Variants in ASXL2 observed in about 807,000 individuals in gnomAD.
ASXL2 encodes putative Polycomb group protein ASXL2.
Under a neutral mutation model 122.0 loss-of-function variants are expected in ASXL2, and 23 were observed. The observed-to-expected ratio is 0.19, with a 90% CI of 0.14 to 0.27. The LOEUF (loss-of-function observed/expected upper bound fraction) is 0.27, where lower values mean the gene tolerates loss of function less well. ASXL2 is among the 10% of genes least tolerant of loss of function. The probability of loss-of-function intolerance (pLI) is 1.00; values close to 1 mark genes in which losing one functional copy is unlikely to be tolerated. For missense variants in ASXL2, 1,518 were observed against 1,713.8 expected (o/e 0.89, Z 2.02); for synonymous variants, 650 against 637.0 (o/e 1.02, Z -0.31).
intron 5 of ASXL2, among the ~76,000 whole-genome samples, chr2:25,797,749 A>G (rs1400982049): frequency 6.6e-6 from 1 of 152,252 alleles, no homozygotes; most frequent in Non-Finnish European, 1.5e-5. Context: ...TGACGAGGAC[A>G]TGAAGCAACA....
chr2:25,839,961 C>T (rs1439630741), intron 2 of ASXL2, among the ~76,000 whole-genome samples: 1 of 150,908 alleles, frequency 6.6e-6, no homozygotes, highest in African/African-American at 2.4e-5. Flanking sequence ...AAACCCCAGG[C>T]CTCAAGTAAT....
chr2:25,798,529 C>A (rs373529531), intron 5 of ASXL2, among the ~76,000 whole-genome samples: 308 of 152,110 alleles, frequency 2.0e-3, no homozygotes, highest in African/African-American at 7.0e-3. Context: ...TTTGGGAGGC[C>A]GAGGCAGGTA....
At chr2:25,851,519 GT>G (rs1335168416) in intron 1 of ASXL2, among the ~76,000 whole-genome samples, 2 of 152,028 alleles carry the variant, frequency 1.3e-5, no homozygotes, top group Admixed American at 6.6e-5. Flanking sequence ...TTCCATTAAA[GT>G]TTTTATTAAT....
intron 2 of ASXL2, among the ~76,000 whole-genome samples, chr2:25,841,395 T>G (rs2089576494): frequency 6.6e-6 from 1 of 152,194 alleles, no homozygotes. Context: ...ATATATTCAT[T>G]AACAAGTAGG....
intron 5 of ASXL2, among the ~76,000 whole-genome samples, chr2:25,784,748 C>T (rs368191719): frequency 6.6e-6 from 1 of 152,340 alleles, no homozygotes; most frequent in East Asian, 1.9e-4. Flanking sequence ...TATGACCCAT[C>T]TTATAAAGAC....
chr2:25,778,207 G>GT (rs1382014254), intron 5 of ASXL2, among the ~76,000 whole-genome samples: 2 of 152,206 alleles, frequency 1.3e-5, no homozygotes, highest in African/African-American at 4.8e-5. Context: ...GTGTAACTCA[G>GT]TTAAGGATCT....
chr2:25,773,501 TA>T (rs1218772095), intron 5 of ASXL2, among the ~76,000 whole-genome samples: 1 of 151,548 alleles, frequency 6.6e-6, no homozygotes, highest in Non-Finnish European at 1.5e-5. Context: ...CCATCTCTAC[TA>T]AAAATACAAA....
chr2:25,813,886 T>A (rs2089202866), intron 3 of ASXL2, among the ~76,000 whole-genome samples: 1 of 152,008 alleles, frequency 6.6e-6, no homozygotes. Context: ...CTGACTCTAC[T>A]AAAAATACCA....
At chr2:25,824,937 C>T (rs1324255905) in intron 3 of ASXL2, among the ~76,000 whole-genome samples, 1 of 152,200 alleles carries the variant, frequency 6.6e-6, no homozygotes, top group African/African-American at 2.4e-5. Context: ...GGCCCATCAA[C>T]TTTCAAAGTT....
chr2:25,798,952 T>C (rs1333599494), intron 5 of ASXL2, among the ~76,000 whole-genome samples: 1 of 152,162 alleles, frequency 6.6e-6, no homozygotes, highest in East Asian at 1.9e-4. Flanking sequence ...CCATGGACTC[T>C]GGGTGATGAT....
chr2:25,734,167 G>A lies in ASXL2; in HGVS notation c.*7862C>T, dbSNP rs2087695706. ...TTCTCTAGATCTTTCATGGATTCTA[G>A]AAATTTTGTGAATTCTCTGAGAACT... is the stretch of plus-strand genomic sequence containing the variant. On this transcript the variant is annotated 3_prime_UTR_variant, in exon 13 of 13. Transcript: ENST00000435504. 6.6e-6 allele frequency: 1 copy of A among 151,398 alleles called. No homozygotes were observed. The highest frequency in any genetic ancestry group is 1.5e-5 in the Non-Finnish European group (1 of 67,936). The allele number at this position is 151,398 out of a possible 1,614,324, so 9.4% of individuals were successfully genotyped here.
Position 25,744,515 on chromosome 2 carries a change from T to C in ASXL2, c.1861-39A>G, listed in dbSNP as rs2087907521. 6.5e-7 allele frequency: 1 copy of C among 1,547,854 alleles called. No individual in the cohort carries two copies. Among genetic ancestry groups the C allele is most frequent in the African/African-American group, 1.4e-5 (1 of 72,218 alleles). On this transcript the variant is annotated intron_variant, in intron 12 of 12. Coordinates refer to ENST00000435504, the MANE Select transcript of ASXL2 (RefSeq NM_018263.6). The surrounding 1 kb of genome is among the most constrained non-coding windows in gnomAD (Gnocchi z 4.7). ...AGGGGAAAAAAACAACAGAGCTTAG[T>C]TTTCATTTGTAAGAATAACAAAACT...
intron 3 of ASXL2, among the ~76,000 whole-genome samples, chr2:25,809,267 C>CTTA (rs2089130483): frequency 1.3e-5 from 2 of 150,042 alleles, no homozygotes. Context: ...TTTCAGAGGT[C>CTTA]TTACCATTTT....
intron 3 of ASXL2, among the ~76,000 whole-genome samples, chr2:25,808,337 T>C (rs900816297): frequency 2.6e-5 from 4 of 151,930 alleles, no homozygotes; most frequent in Non-Finnish European, 5.9e-5. Context: ...GGAAGCAAAT[T>C]TGTTTTTGTT....
chr2:25,759,363 C>A, intron 9 of ASXL2, 119 bp downstream of exon 9: 2 of 1,103,602 alleles, frequency 1.8e-6, no homozygotes, highest in Non-Finnish European at 2.5e-6. Context: ...CTTAAAAAAA[C>A]CTGCCTATTA....
chr2:25,846,817 G>T (rs1189008208), intron 1 of ASXL2, among the ~76,000 whole-genome samples: 1 of 152,130 alleles, frequency 6.6e-6, no homozygotes, highest in Non-Finnish European at 1.5e-5. Flanking sequence ...CTCAAAAATA[G>T]AAATAATGTC....
At position 25,745,559 on chromosome 2, in the gene ASXL2, CA is replaced by C. The variant is rs34181748; in HGVS notation, c.1861-1084del. ...GTGACTCCAGAGGGAGCCTCCAGCTCAAAAAAAAAAAAAAAAAAAGTTTCTA... is the reference window on the plus strand; with the variant it reads ...GTGACTCCAGAGGGAGCCTCCAGCTCAAAAAAAAAAAAAAAAAAGTTTCTA... On this transcript the variant is annotated intron_variant, in intron 12 of 12. Coordinates refer to ENST00000435504, the MANE Select transcript of ASXL2 (RefSeq NM_018263.6). 7.0e-3 allele frequency among the ~76,000 whole-genome samples: 362 copies of C among 51,424 alleles called. 3 individuals are homozygous for C. Among genetic ancestry groups the C allele is most frequent in the African/African-American group, 0.016 (220 of 13,978 alleles). 33.7% of individuals were successfully genotyped at this position (51,424 alleles called of 152,430 possible). A position where few individuals can be genotyped will look rare whatever the true frequency, so the allele number is the denominator to read the frequency against.
chr2:25,865,071 C>A (rs1474907768), intron 1 of ASXL2, among the ~76,000 whole-genome samples: 2 of 151,714 alleles, frequency 1.3e-5, no homozygotes, highest in African/African-American at 4.8e-5. Flanking sequence ...GATCCACCCA[C>A]CTCAGCCTAC....
intron 1 of ASXL2, among the ~76,000 whole-genome samples, chr2:25,875,058 C>T (rs1246907946): frequency 2.0e-5 from 3 of 151,990 alleles, no homozygotes; most frequent in Non-Finnish European, 2.9e-5. Context: ...CCAGCTTGGG[C>T]GACAGAGCAA....
Sources: gnomAD v4.1 joint callset for allele counts (sites outside exome capture counted in the v4.1 genomes callset) on GRCh38, gnomAD v4.1.1 for gene constraint, Gnocchi (gnomAD v3.1) non-coding constraint, MANE v1.5 for transcripts, NCBI Gene and HGNC (gene_info 2026-07-23, HGNC 2026-07-21) for gene names.